Variants in CDH9 observed in about 807,000 individuals in gnomAD.
CDH9 encodes cadherin 9.
In CDH9, 28 loss-of-function variants were observed where a neutral mutation model predicts 70.9. The ratio of observed to expected loss-of-function variants is 0.40; its 90% CI spans 0.29 to 0.54. The LOEUF (loss-of-function observed/expected upper bound fraction) is 0.54, where lower values mean the gene tolerates loss of function less well. Ranked by LOEUF, CDH9 falls within the 20% of genes least tolerant of loss-of-function variation. CDH9 has a pLI of 0.59. For synonymous variants in CDH9, 409 were observed against 343.1 expected, an observed-to-expected ratio of 1.19 and a Z score of -2.12; for missense variants, 874 against 984.4, an observed-to-expected ratio of 0.89 and a Z score of 1.50.
rs116730519 is a variant in CDH9 at position 26,985,085 on chromosome 5, T to C, written c.228+3021A>G. Among the ~76,000 whole-genome samples, 1,111 of 152,258 alleles carry C rather than the reference T, an allele frequency of 7.3e-3. 19 individuals carry two copies. Among genetic ancestry groups the C allele is most frequent in the African/African-American group, 0.025 (1,055 of 41,558 alleles). On this transcript the variant is annotated intron_variant, in intron 2 of 11. Transcript: ENST00000231021. ...ATTTGTACAAAGGCTTTTAACAGATTATTTACATTTCATGCTGTATGCAAA... is the reference window on the plus strand; with the variant it reads ...ATTTGTACAAAGGCTTTTAACAGATCATTTACATTTCATGCTGTATGCAAA...
chr5:27,033,040 T>G (rs1743335581), intron 1 of CDH9, among the ~76,000 whole-genome samples: 1 of 151,166 alleles, frequency 6.6e-6, no homozygotes, highest in Non-Finnish European at 1.5e-5. Flanking sequence ...GTTCAAGAAT[T>G]GTGAACATTC....
chr5:26,940,150 G>A (rs1431559825), intron 2 of CDH9, among the ~76,000 whole-genome samples: 2 of 132,674 alleles, frequency 1.5e-5, no homozygotes, highest in Non-Finnish European at 1.6e-5. Flanking sequence ...GTGACAGAGC[G>A]AGACTCAGTT....
chr5:26,932,474 G>A (rs1209015680), intron 2 of CDH9, among the ~76,000 whole-genome samples: 1 of 151,898 alleles, frequency 6.6e-6, no homozygotes, highest in Non-Finnish European at 1.5e-5. Flanking sequence ...AATCCATTTT[G>A]ATGGTGTTCT....
Position 26,885,598 on chromosome 5 carries a change from G to A in CDH9, c.1882+16C>T, listed in dbSNP as rs764152176. 6.2e-7 allele frequency: 1 copy of A among 1,609,744 alleles called. No individual in the cohort carries two copies. Among genetic ancestry groups the A allele is most frequent in the South Asian group, 1.1e-5 (1 of 90,930 alleles). On this transcript the variant is annotated intron_variant, in intron 11 of 11. Coordinates refer to ENST00000231021, the MANE Select transcript of CDH9 (RefSeq NM_016279.4). The stretch of plus-strand genomic sequence containing the variant: ...TTTTTGTGAGTTAAAGGATCATTCA[G>A]AGGGGCAGAGCTTACTAAGCAGTAT...
intron 7 of CDH9, among the ~76,000 whole-genome samples, chr5:26,895,850 T>G (rs1045692252): frequency 6.6e-6 from 1 of 152,048 alleles, no homozygotes; most frequent in Non-Finnish European, 1.5e-5. Flanking sequence ...CAGTCATCCT[T>G]CTAAATTTGA....
chr5:26,982,723 C>A (rs1337439870), intron 2 of CDH9, among the ~76,000 whole-genome samples: 4 of 151,826 alleles, frequency 2.6e-5, no homozygotes, highest in African/African-American at 9.7e-5. Flanking sequence ...GAGTCTTGCT[C>A]CATCGCCCAG....
At chr5:26,965,911 CT>C (rs1427853022) in intron 2 of CDH9, among the ~76,000 whole-genome samples, 1 of 152,134 alleles carries the variant, frequency 6.6e-6, no homozygotes, top group Non-Finnish European at 1.5e-5. Context: ...ACACTTTCTA[CT>C]TTCACAAGCA....
At chr5:27,000,424 T>C (rs749212506) in intron 1 of CDH9, among the ~76,000 whole-genome samples, 1 of 152,094 alleles carries the variant, frequency 6.6e-6, no homozygotes, top group Non-Finnish European at 1.5e-5. Context: ...GAATGCAAAA[T>C]GATACTGCCA....
Position 26,946,345 on chromosome 5 carries a change from T to C in CDH9, c.229-30421A>G, listed in dbSNP as rs371523826. 1.8e-4 allele frequency among the ~76,000 whole-genome samples: 27 copies of C among 152,272 alleles called. No homozygotes were observed. The East Asian group carries it at 2.1e-3, about 12-fold the overall frequency. On this transcript the variant is annotated intron_variant, in intron 2 of 11. Coordinates refer to ENST00000231021, the MANE Select transcript of CDH9 (RefSeq NM_016279.4). Reference sequence around the variant, plus strand: ...TAGCAAAGCTTGATATTGAGCCATGTTTCTGATTAATTTAAGTCTTATTTA... The same window carrying C: ...TAGCAAAGCTTGATATTGAGCCATGCTTCTGATTAATTTAAGTCTTATTTA...
intron 2 of CDH9, among the ~76,000 whole-genome samples, chr5:26,930,102 T>A (rs1458725639): frequency 6.6e-6 from 1 of 152,112 alleles, no homozygotes; most frequent in Admixed American, 6.6e-5. Flanking sequence ...ATATCTCATG[T>A]GCCCCATAAA....
At chr5:26,985,810 A>T (rs1158783626) in intron 2 of CDH9, among the ~76,000 whole-genome samples, 1 of 152,266 alleles carries the variant, frequency 6.6e-6, no homozygotes, top group East Asian at 1.9e-4. Flanking sequence ...CACTGTGGTC[A>T]AAAAGACAAT....
At chr5:27,032,146 T>C (rs1277218293) in intron 1 of CDH9, among the ~76,000 whole-genome samples, 1 of 151,728 alleles carries the variant, frequency 6.6e-6, no homozygotes, top group Non-Finnish European at 1.5e-5. Context: ...CTTTCCATTT[T>C]AATATGCTGA....
intron 1 of CDH9, among the ~76,000 whole-genome samples, chr5:27,003,064 T>A (rs1742799410): frequency 6.6e-6 from 1 of 152,112 alleles, no homozygotes; most frequent in African/African-American, 2.4e-5. Flanking sequence ...CGGTTTTGGA[T>A]CTTTTCGGAT....
At chr5:26,936,309 T>C (rs1741557866) in intron 2 of CDH9, among the ~76,000 whole-genome samples, 1 of 152,040 alleles carries the variant, frequency 6.6e-6, no homozygotes, top group African/African-American at 2.4e-5. Context: ...GAGATTGTAA[T>C]TAAAAAGACA....
intron 1 of CDH9, among the ~76,000 whole-genome samples, chr5:27,002,727 A>T (rs1742792586): frequency 6.6e-6 from 1 of 151,890 alleles, no homozygotes; most frequent in African/African-American, 2.4e-5. Context: ...CAATGAGAAC[A>T]CTTGGACACA....
chr5:26,970,781 A>G (rs1742205640), intron 2 of CDH9, among the ~76,000 whole-genome samples: 1 of 152,086 alleles, frequency 6.6e-6, no homozygotes, highest in Admixed American at 6.6e-5. Flanking sequence ...TCATTTTGCA[A>G]AACTGACCTT....
At chr5:26,887,602 G>T (rs1467349659) in intron 9 of CDH9, among the ~76,000 whole-genome samples, 2 of 151,824 alleles carry the variant, frequency 1.3e-5, no homozygotes, top group African/African-American at 2.4e-5. Flanking sequence ...TGTGATTGTA[G>T]GTTGACTTGT....
At chr5:26,970,523 A>G (rs1742201203) in intron 2 of CDH9, among the ~76,000 whole-genome samples, 1 of 152,070 alleles carries the variant, frequency 6.6e-6, no homozygotes, top group Non-Finnish European at 1.5e-5. Flanking sequence ...TTCTCCCAAT[A>G]TATTGTTGCT....
intron 1 of CDH9, among the ~76,000 whole-genome samples, chr5:27,009,236 G>C (rs371521605): frequency 1.3e-5 from 2 of 152,124 alleles, no homozygotes; most frequent in African/African-American, 4.8e-5. Context: ...GGGATAGTGA[G>C]AGAATGAGGA....
Sources: gnomAD v4.1 joint callset for allele counts (sites outside exome capture counted in the v4.1 genomes callset) on GRCh38, gnomAD v4.1.1 for gene constraint, MANE v1.5 for transcripts, NCBI Gene and HGNC (gene_info 2026-07-23, HGNC 2026-07-21) for gene names.